Variants in ST13 observed in about 807,000 individuals in gnomAD.
ST13 encodes the protein ST13 Hsp70 interacting protein.
Under a neutral mutation model 56.7 loss-of-function variants are expected in ST13, and 23 were observed. That is an observed-to-expected ratio of 0.41 (90% CI 0.29 to 0.57). The LOEUF (loss-of-function observed/expected upper bound fraction) is 0.57. Ranked by LOEUF, ST13 falls within the 20% of genes least tolerant of loss-of-function variation. The probability of loss-of-function intolerance (pLI) is 0.36; values close to 1 mark genes in which losing one functional copy is unlikely to be tolerated. For missense variants in ST13, 369 were observed against 459.9 expected, an observed-to-expected ratio of 0.80 and a Z score of 1.81; for synonymous variants, 132 against 142.4, an observed-to-expected ratio of 0.93 and a Z score of 0.52.
In ST13 at chr22:40,824,746, C is replaced by T. The variant is rs1381342950; in HGVS notation, c.*1792G>A. The stretch of plus-strand genomic sequence containing the variant: ...CTGGCAATTTCGAGAAAGGAGAACT[C>T]TACACATTAACAAAAGAACACACAA... On this transcript the variant is annotated 3_prime_UTR_variant, in exon 12 of 12. Coordinates refer to ENST00000216218, the MANE Select transcript of ST13 (RefSeq NM_003932.5). 6.6e-6 allele frequency: 1 copy of T among 152,140 alleles called. No homozygotes were observed. The highest frequency in any genetic ancestry group is 6.5e-5 in the Admixed American group (1 of 15,274). The allele number at this position is 152,140 out of a possible 1,614,324, so 9.4% of individuals were successfully genotyped here.
At chr22:40,832,513 C>T (rs1187640328) in intron 8 of ST13, 56 bp downstream of exon 8, 2 of 1,267,248 alleles carry the variant, frequency 1.6e-6, no homozygotes, top group South Asian at 1.2e-5. Flanking sequence ...GGGGGCTAAG[C>T]ACTACAGCGA....
At chr22:40,835,500 T>C (rs965937897) in intron 7 of ST13, 60 bp downstream of exon 7, 2 of 1,431,330 alleles carry the variant, frequency 1.4e-6, no homozygotes, top group Admixed American at 1.8e-5. Context: ...AAACAAAGCA[T>C]CTTAAAACAT....
intron 1 of ST13, among the ~76,000 whole-genome samples, chr22:40,855,878 A>T (rs558688801): frequency 0.029 from 4,424 of 152,278 alleles, 199 homozygotes; most frequent in African/African-American, 0.1. Flanking sequence ...CTGCCAAGTA[A>T]CGGAGGTATA....
rs1186801547 is a variant in ST13, at chr22:40,840,615, A to C, written c.382+11T>G. ...TGACTACCATAGAAATGTAGCAAAAAGATTACTCACCATCATTTAGGGCTT... is the reference window on the plus strand; with the variant it reads ...TGACTACCATAGAAATGTAGCAAAACGATTACTCACCATCATTTAGGGCTT... On this transcript the variant is annotated intron_variant, in intron 5 of 11. Transcript: ENST00000216218. 3.7e-6 allele frequency: 6 copies of C among 1,605,902 alleles called. No individual in the cohort carries two copies. The highest frequency in any genetic ancestry group is 5.1e-6 in the Non-Finnish European group (6 of 1,177,424).
chr22:40,853,285 G>A (rs2057870908), intron 1 of ST13, among the ~76,000 whole-genome samples: 1 of 151,894 alleles, frequency 6.6e-6, no homozygotes, highest in Non-Finnish European at 1.5e-5. Context: ...CTCTCAACTA[G>A]TTCAGAAAAA....
intron 3 of ST13, among the ~76,000 whole-genome samples, chr22:40,847,267 C>T (rs2057836669): frequency 8.4e-6 from 1 of 118,756 alleles, no homozygotes; most frequent in East Asian, 2.4e-4. Flanking sequence ...GGCATGGTGG[C>T]TCACATCTGT....
chr22:40,856,007 GTTATA>G (rs571293642), intron 1 of ST13, among the ~76,000 whole-genome samples: 194 of 152,196 alleles, frequency 1.3e-3, no homozygotes, highest in Middle Eastern at 3.4e-3. Context: ...ACTTACTAGT[GTTATA>G]TTATTATAAC....
Position 40,827,219 on chromosome 22 carries a change from A to G in ST13, c.858T>C (p.Pro286=). The G allele has an allele frequency of 6.2e-7, 1 of 1,613,646 alleles. No individual in the cohort carries two copies. Reference sequence around the variant, plus strand: ...CGGGAAAATTACCAGGCATTCCCCCAGGAAAGCCACCTGTAATAAAAAATG... The same window carrying G: ...CGGGAAAATTACCAGGCATTCCCCCGGGAAAGCCACCTGTAATAAAAAATG... The part of the protein sequence containing the change: ...AQYGSFPGGF[P]GGMPGNFPGG... The change falls in exon 11 of 12, where the codon CCT becomes CCC. Residue 286 remains proline (P), a synonymous_variant. Coordinates refer to ENST00000216218, the MANE Select transcript of ST13 (RefSeq NM_003932.5).
At position 40,848,355 on chromosome 22, in the gene ST13, A is replaced by G. The variant is rs751125393; in HGVS notation, c.183T>C (p.Asp61=). The G allele has an allele frequency of 3.1e-6, 5 of 1,612,178 alleles. No homozygotes were observed. The South Asian group carries it at 3.3e-5, about 11-fold the overall frequency. ...SEENTKEEKP[D]SKKVEEDLKA... ...TTAAGTCTTCCTCCACCTTCTTACT[A>G]TCAGGTTTTTCTTCCTAGCAAAGGG... Residue 61 remains aspartate (D), a synonymous_variant, in exon 3 of 12, where the codon GAT becomes GAC. Transcript: ENST00000216218.
intron 1 of ST13, chr22:40,854,400 T>C (rs918535098): frequency 6.6e-6 from 1 of 152,186 alleles, no homozygotes; most frequent in Non-Finnish European, 1.5e-5. Context: ...CACCCCATAC[T>C]TCAGCCAACT....
intron 1 of ST13, among the ~76,000 whole-genome samples, chr22:40,851,965 G>T (rs888497567): frequency 6.6e-6 from 1 of 152,044 alleles, no homozygotes; most frequent in Non-Finnish European, 1.5e-5. Context: ...GAACGGTCTC[G>T]ATCTCCTGAC....
chr22:40,829,627 T>TG lies in ST13; in HGVS notation c.845dup (p.Gly283ArgfsTer10), dbSNP rs2145731959. On this transcript the variant is annotated frameshift_variant and splice_region_variant, in exon 10 of 12. Coordinates refer to ENST00000216218, the MANE Select transcript of ST13 (RefSeq NM_003932.5). LOFTEE classifies it high-confidence loss of function. ...GTTTTAACTTTTCTTTAAATATACC[T>TG]GGAAAAGAGCCATACTGAGCTCCTG... 1 of 1,450,510 alleles carries TG rather than the reference T, an allele frequency of 6.9e-7. No individual in the cohort carries two copies. Among genetic ancestry groups the TG allele is most frequent in the Non-Finnish European group, 9.2e-7 (1 of 1,081,656 alleles). 89.9% of individuals were successfully genotyped at this position (1,450,510 alleles called of 1,614,324 possible). A position where few individuals can be genotyped will look rare whatever the true frequency, so the allele number is the denominator to read the frequency against.
chr22:40,831,313 G>A (rs2145733367), intron 8 of ST13, among the ~76,000 whole-genome samples: 1 of 152,364 alleles, frequency 6.6e-6, no homozygotes, highest in East Asian at 1.9e-4. Context: ...TCAGTAGGAA[G>A]AGTATTATTA....
chr22:40,829,939 A>G (rs570958166), intron 9 of ST13, among the ~76,000 whole-genome samples: 2 of 152,352 alleles, frequency 1.3e-5, no homozygotes, highest in Admixed American at 1.3e-4. Context: ...TAGTACTAAT[A>G]TGAAAACTCT....
At chr22:40,827,501 G>A (rs1319496809) in intron 10 of ST13, among the ~76,000 whole-genome samples, 2 of 151,746 alleles carry the variant, frequency 1.3e-5, no homozygotes, top group African/African-American at 4.8e-5. Flanking sequence ...GTTTTGAGAC[G>A]GAGTCTTGCT....
chr22:40,834,767 T>G (rs1321593849), intron 7 of ST13, among the ~76,000 whole-genome samples: 1 of 152,250 alleles, frequency 6.6e-6, no homozygotes, highest in Non-Finnish European at 1.5e-5. Flanking sequence ...TAATGGGATT[T>G]CAAAAGGATC....
At chr22:40,852,831 T>C (rs147170905) in intron 1 of ST13, among the ~76,000 whole-genome samples, 5 of 152,328 alleles carry the variant, frequency 3.3e-5, no homozygotes, top group African/African-American at 1.2e-4. Context: ...ACCAGTCCTT[T>C]GTAGTTAAAT....
chr22:40,841,087 C>A (rs2057802232), intron 4 of ST13, among the ~76,000 whole-genome samples: 1 of 151,316 alleles, frequency 6.6e-6, no homozygotes, highest in Non-Finnish European at 1.5e-5. Context: ...TATTGAGCAC[C>A]TATGCTATAT....
intron 2 of ST13, among the ~76,000 whole-genome samples, chr22:40,849,726 A>C (rs1164453333): frequency 6.6e-6 from 1 of 151,764 alleles, no homozygotes; most frequent in Admixed American, 6.6e-5. Context: ...AGAAAATACC[A>C]CTCTGATAAA....
Sources: allele counts gnomAD v4.1 joint callset (sites outside exome capture counted in the v4.1 genomes callset), GRCh38; gene constraint gnomAD v4.1.1; transcripts MANE v1.5; gene names NCBI Gene and HGNC (gene_info 2026-07-23, HGNC 2026-07-21).